RDH13: variants seen among roughly 807,000 people sequenced by gnomAD.
The protein encoded by RDH13 is retinol dehydrogenase 13.
A neutral mutation model predicts 28.3 loss-of-function variants in RDH13; 35 were observed. That is an observed-to-expected ratio of 1.24 (90% CI 0.95 to 1.64). RDH13 has a LOEUF of 1.64. RDH13 is among the 40% of genes most tolerant of loss of function. The probability of loss-of-function intolerance (pLI) is 0.00; values close to 1 mark genes in which losing one functional copy is unlikely to be tolerated. For synonymous variants in RDH13, 229 were observed against 198.5 expected (o/e 1.15, Z -1.29); for missense variants, 514 against 446.3 (o/e 1.15, Z -1.37).
At chr19:55,069,085 C>G (rs971702786) in intron 1 of RDH13, among the ~76,000 whole-genome samples, 2 of 147,256 alleles carry the variant, frequency 1.4e-5, no homozygotes, top group Non-Finnish European at 3.0e-5. Flanking sequence ...CCCCCCGCCC[C>G]GACCCATCCC....
At chr19:55,041,639 A>G (rs2075032748), downstream of RDH13, 1 of 152,262 alleles carries the variant, frequency 6.6e-6, no homozygotes, top group African/African-American at 2.4e-5. Context: ...AACTGTACTC[A>G]AGATGATGTA....
downstream of RDH13, chr19:55,044,301 A>C (rs2075124769): frequency 6.6e-6 from 1 of 152,036 alleles, no homozygotes; most frequent in African/African-American, 2.4e-5. Context: ...GGAAAAATAA[A>C]ATCTACGACT....
upstream of RDH13, among the ~76,000 whole-genome samples, chr19:55,064,871 C>A (rs868271293): frequency 1.5e-4 from 23 of 149,578 alleles, no homozygotes; most frequent in Non-Finnish European, 2.8e-4. Flanking sequence ...CCTCGGCCAC[C>A]CAAAGTGCTG....
intron 3 of RDH13, among the ~76,000 whole-genome samples, chr19:55,051,735 T>TC (rs2075444814): frequency 6.6e-6 from 1 of 151,308 alleles, no homozygotes; most frequent in Non-Finnish European, 1.5e-5. Context: ...GCCTGTTTTT[T>TC]TTTTTTTCTT....
intron 3 of RDH13, chr19:55,053,697 A>G (rs1315540144): frequency 6.6e-6 from 1 of 150,446 alleles, no homozygotes; most frequent in African/African-American, 2.5e-5. Context: ...CAGAAAATAG[A>G]AGGAATTATT....
chr19:55,059,195 CCT>C lies in RDH13; in HGVS notation c.144_145del (p.Gly49HisfsTer27). On this transcript the variant is annotated frameshift_variant, in exon 2 of 7. Coordinates refer to ENST00000415061, the MANE Select transcript of RDH13 (RefSeq NM_001145971.2). LOFTEE classifies it high-confidence loss of function. ...TTCCAAGGCGGTCTGCTTCCCGATG[CCT>C]GTGTTGGCACCCGTCACGATGACCG... 6.2e-7 allele frequency: 1 copy of C among 1,603,542 alleles called. No homozygotes were observed. Among genetic ancestry groups the C allele is most frequent in the Non-Finnish European group, 8.5e-7 (1 of 1,175,234 alleles).
In RDH13 at chr19:55,056,708, G is replaced by C; in HGVS notation, c.285C>G (p.His95Gln). 6.2e-7 allele frequency: 1 copy of C among 1,614,016 alleles called. No individual in the cohort carries two copies. The highest frequency in any genetic ancestry group is 1.3e-5 in the African/African-American group (1 of 74,980). ...TAGACTTGAGGGAAGCCAAGTCCAG[G>C]TGCCGGGCGTTGACATGGTGATTGA... is the stretch of plus-strand genomic sequence containing the variant. ...ETLNHHVNAR[H>Q]LDLASLKSIR... Residue 95 changes from histidine (H) to glutamine (Q), a missense_variant, in exon 3 of 7, where the codon CAC (histidine) becomes CAG (glutamine). Coordinates refer to ENST00000415061, the MANE Select transcript of RDH13 (RefSeq NM_001145971.2).
At chr19:55,054,422 C>T (rs879325159) in intron 3 of RDH13, among the ~76,000 whole-genome samples, 5 of 152,002 alleles carry the variant, frequency 3.3e-5, no homozygotes, top group East Asian at 1.9e-4. Context: ...AGTGAAACCC[C>T]GTCTCTACTA....
chr19:55,062,267 T>C (rs1393887832), intron 1 of RDH13, among the ~76,000 whole-genome samples: 1 of 152,072 alleles, frequency 6.6e-6, no homozygotes, highest in Non-Finnish European at 1.5e-5. Flanking sequence ...AGGCTAACGC[T>C]GGCAACAAGA....
At chr19:55,047,106 C>G in intron 6 of RDH13, 1 of 1,351,578 alleles carries the variant, frequency 7.4e-7, no homozygotes, top group Non-Finnish European at 9.5e-7. Flanking sequence ...TGGAGTTACC[C>G]TGAGTACAGC....
rs1334165767 is a variant in RDH13 at position 55,048,237 on chromosome 19, AC to A, written c.658+91del. 3 of 1,574,424 alleles carry A rather than the reference AC, an allele frequency of 1.9e-6. No homozygotes were observed. The Admixed American group carries it at 5.5e-5, about 29-fold the overall frequency. On this transcript the variant is annotated intron_variant, in intron 5 of 6. Coordinates refer to ENST00000415061, the MANE Select transcript of RDH13 (RefSeq NM_001145971.2). ...CTTTTGCTGACTCTGTTCTGGATCC[AC>A]CGTTTGGCCTCCCATCAGCCTAGGA...
At chr19:55,058,825 T>C (rs1194619960) in intron 2 of RDH13, among the ~76,000 whole-genome samples, 2 of 152,146 alleles carry the variant, frequency 1.3e-5, no homozygotes, top group Non-Finnish European at 1.5e-5. Context: ...GGACTACAGG[T>C]GCCCACCACA....
chr19:55,047,088 G>A (rs1602707972), intron 6 of RDH13: 1 of 1,290,522 alleles, frequency 7.7e-7, no homozygotes, highest in Non-Finnish European at 9.9e-7. Flanking sequence ...GCTGGTTTGG[G>A]GTGAAGCTGG....
At chr19:55,045,362 G>C (rs1373350241) in intron 6 of RDH13, 53 bp from the exon 7 acceptor site, 4 of 1,431,824 alleles carry the variant, frequency 2.8e-6, no homozygotes, top group African/African-American at 1.4e-5. Flanking sequence ...GAGAAGGAAG[G>C]AAGCCCCGCT....
intron 3 of RDH13, among the ~76,000 whole-genome samples, chr19:55,054,181 CTAAA>C (rs1357547112): frequency 6.6e-6 from 1 of 152,200 alleles, no homozygotes; most frequent in Non-Finnish European, 1.5e-5. Flanking sequence ...ATCACGTCTG[CTAAA>C]TAAATGAGGT....
exon 1 of RDH13, chr19:55,069,457 A>G (rs1351637519): frequency 6.6e-6 from 1 of 152,046 alleles, no homozygotes; most frequent in Admixed American, 6.6e-5. Flanking sequence ...ACACTCAGGG[A>G]TGGGCCAGCC....
rs767619962 is a variant in RDH13, at chr19:55,059,233, G to A, written c.108C>T (p.Ile36=). The A allele has an allele frequency of 1.2e-6, 2 of 1,605,364 alleles. No individual in the cohort carries two copies. Among genetic ancestry groups the A allele is most frequent in the Non-Finnish European group, 1.7e-6 (2 of 1,176,040 alleles). ...CCGTCACGATGACCGTCTTCCCAGG[G>A]ATGGTGGCCTTGCTGGGGCAAGCCC... ...TGGACPSKAT[I]PGKTVIVTGA... The change falls in exon 2 of 7, where the codon ATC becomes ATT. Residue 36 remains isoleucine, a synonymous_variant. Transcript: ENST00000415061.
At position 55,044,867 on chromosome 19, in the gene RDH13, A is replaced by T; in HGVS notation, c.*207T>A. On this transcript the variant is annotated 3_prime_UTR_variant, in exon 7 of 7. Coordinates refer to ENST00000415061, the MANE Select transcript of RDH13 (RefSeq NM_001145971.2). ...GGCCCCTCTCCCCTGCTGGCAGCAG[A>T]GCAGACGGAACCAGCCAGAGCCCAG... 1.9e-6 allele frequency: 1 copy of T among 518,354 alleles called. No homozygotes were observed. The highest frequency in any genetic ancestry group is 3.1e-5 in the South Asian group (1 of 31,842). 32.1% of individuals were successfully genotyped at this position (518,354 alleles called of 1,614,324 possible). A position where few individuals can be genotyped will look rare whatever the true frequency, so the allele number is the denominator to read the frequency against.
upstream of RDH13, among the ~76,000 whole-genome samples, chr19:55,066,461 C>A (rs1031405747): frequency 1.8e-5 from 2 of 112,142 alleles, no homozygotes; most frequent in African/African-American, 6.0e-5. Flanking sequence ...CTCCCTCTCT[C>A]TTCCTCTCTC....
Sources: allele counts gnomAD v4.1 joint callset (sites outside exome capture counted in the v4.1 genomes callset), GRCh38; gene constraint gnomAD v4.1.1; transcripts MANE v1.5; gene names NCBI Gene and HGNC (gene_info 2026-07-23, HGNC 2026-07-21).